Variants in SCN10A observed in about 807,000 individuals in gnomAD.
SCN10A encodes the protein sodium voltage-gated channel alpha subunit 10.
In SCN10A, 162 loss-of-function variants were observed where a neutral mutation model predicts 170.7. The ratio of observed to expected loss-of-function variants is 0.95; its 90% CI spans 0.84 to 1.08. The LOEUF is 1.08. SCN10A is among the 50% of genes least tolerant of loss of function. SCN10A has a pLI of 0.00. For synonymous variants in SCN10A, 985 were observed against 904.6 expected (o/e 1.09, Z -1.59); for missense variants, 2,527 against 2,436.9 (o/e 1.04, Z -0.78).
chr3:38,756,946 A>G, intron 9 of SCN10A, 72 bp downstream of exon 9: 3 of 1,606,994 alleles, frequency 1.9e-6, no homozygotes, highest in Non-Finnish European at 2.6e-6. Flanking sequence ...AGCCTCCTCC[A>G]GGAAAAGCAC....
chr3:38,811,739 C>T (rs985989761), intron 1 of SCN10A, among the ~76,000 whole-genome samples: 27 of 152,260 alleles, frequency 1.8e-4, no homozygotes, highest in African/African-American at 6.5e-4. Flanking sequence ...TAATAAGAGG[C>T]AGAGCTGGAC....
intron 9 of SCN10A, 60 bp downstream of exon 9, chr3:38,756,958 G>C: frequency 1.2e-6 from 2 of 1,605,334 alleles, no homozygotes; most frequent in Non-Finnish European, 1.7e-6. Context: ...GAAAAGCACA[G>C]CCATGCAGCT....
intron 1 of SCN10A, among the ~76,000 whole-genome samples, chr3:38,797,305 G>T (rs1302533742): frequency 6.6e-6 from 1 of 152,122 alleles, no homozygotes; most frequent in Non-Finnish European, 1.5e-5. Flanking sequence ...GGCTCTGCTG[G>T]TTGTCACCAG....
intron 26 of SCN10A, among the ~76,000 whole-genome samples, chr3:38,706,626 A>T (rs956289111): frequency 6.6e-6 from 1 of 152,198 alleles, no homozygotes; most frequent in Non-Finnish European, 1.5e-5. Flanking sequence ...CAGAAGACTG[A>T]GAAGAACTTA....
intron 5 of SCN10A, 149 bp downstream of exon 5, chr3:38,771,130 A>G: frequency 1.3e-6 from 1 of 764,008 alleles, no homozygotes. Context: ...TTCTCCTGGT[A>G]TATTCCTGCA....
At chr3:38,812,268 A>G (rs1165253121) in intron 1 of SCN10A, among the ~76,000 whole-genome samples, 1 of 152,232 alleles carries the variant, frequency 6.6e-6, no homozygotes, top group Non-Finnish European at 1.5e-5. Context: ...ACACAATCAT[A>G]GGAGCATATC....
chr3:38,751,180 T>C (rs563907502), intron 12 of SCN10A, among the ~76,000 whole-genome samples: 1 of 152,308 alleles, frequency 6.6e-6, no homozygotes, highest in Admixed American at 6.5e-5. Flanking sequence ...AGAGCTGTGA[T>C]CCTCTACTAA....
chr3:38,723,408 G>A, intron 19 of SCN10A, 22 bp downstream of exon 19: 1 of 1,613,956 alleles, frequency 6.2e-7, no homozygotes, highest in Non-Finnish European at 8.5e-7. Context: ...CAGTGTGAGG[G>A]GGCCTGTGGC....
At chr3:38,740,456 T>C (rs916022704) in intron 14 of SCN10A, among the ~76,000 whole-genome samples, 1 of 152,182 alleles carries the variant, frequency 6.6e-6, no homozygotes, top group African/African-American at 2.4e-5. Context: ...TGCATCCTTC[T>C]TATGGAGAAG....
chr3:38,748,436 C>A (rs1309917902), intron 13 of SCN10A, among the ~76,000 whole-genome samples: 1 of 152,172 alleles, frequency 6.6e-6, no homozygotes, highest in Admixed American at 6.5e-5. Context: ...TGCTTCAAGT[C>A]CTCACCATGG....
intron 21 of SCN10A, among the ~76,000 whole-genome samples, chr3:38,716,085 A>G (rs2063331221): frequency 6.6e-6 from 1 of 152,168 alleles, no homozygotes; most frequent in South Asian, 2.1e-4. Flanking sequence ...ATAATAGCAT[A>G]TTGTTTTCAG....
intron 27 of SCN10A, among the ~76,000 whole-genome samples, chr3:38,700,450 C>G (rs572496260): frequency 1.3e-5 from 2 of 152,106 alleles, no homozygotes; most frequent in South Asian, 2.1e-4. Flanking sequence ...TCCTAGCACC[C>G]AATAAATAAA....
At chr3:38,716,456 A>G (rs770669912) in intron 21 of SCN10A, among the ~76,000 whole-genome samples, 2 of 152,098 alleles carry the variant, frequency 1.3e-5, no homozygotes, top group South Asian at 2.1e-4. Context: ...TGCCATCCAC[A>G]TAAGACGTGA....
chr3:38,794,688 A>G (rs543368282), intron 1 of SCN10A, among the ~76,000 whole-genome samples: 1 of 152,286 alleles, frequency 6.6e-6, no homozygotes, highest in African/African-American at 2.4e-5. Context: ...GGCTAAGTCA[A>G]TCTAGAACAG....
In SCN10A at chr3:38,742,365, T is replaced by C. The variant is rs2063642099; in HGVS notation, c.2032A>G (p.Asn678Asp). 8 of 1,614,154 alleles carry C rather than the reference T, an allele frequency of 5.0e-6. No individual in the cohort carries two copies. Among genetic ancestry groups the C allele is most frequent in the Non-Finnish European group, 6.8e-6 (8 of 1,180,022 alleles). ...TGCTCCATGGCCATGAAGATGGTGT[T>C]CACCACGATGCACAAGGTGATGGTG... ...ELTITLCIVV[N>D]TIFMAMEHHG... The change falls in exon 14 of 28, where the codon AAC becomes GAC. Residue 678 changes from asparagine to aspartate, a missense_variant. Transcript: ENST00000449082.
Position 38,722,247 on chromosome 3 carries a change from C to A in SCN10A, c.3507+11G>T, listed in dbSNP as rs1018821495. On this transcript the variant is annotated intron_variant, in intron 20 of 27. Transcript: ENST00000449082. Reference sequence around the variant, plus strand: ...GGAGGATTTGGGGGCAGGGACTATGCCTCCCCTTACCAGAGATCCACTGCT... The same window carrying A: ...GGAGGATTTGGGGGCAGGGACTATGACTCCCCTTACCAGAGATCCACTGCT... The A allele has an allele frequency of 1.9e-6, 3 of 1,611,618 alleles. No homozygotes were observed. The highest frequency in any genetic ancestry group is 2.5e-6 in the Non-Finnish European group (3 of 1,178,606).
At position 38,777,619 on chromosome 3, in the gene SCN10A, T is replaced by G. The variant is rs1303608697; in HGVS notation, c.471-6212A>C. 2.0e-5 allele frequency among the ~76,000 whole-genome samples: 3 copies of G among 151,876 alleles called. 1 individual carries two copies. The South Asian group carries it at 6.2e-4, about 31-fold the overall frequency. The stretch of plus-strand genomic sequence containing the variant: ...TGACCCTTAAACTGATATGGAAAAG[T>G]AAAGAAACAAGAACCAAAATAATTT... On this transcript the variant is annotated intron_variant, in intron 4 of 27. Coordinates refer to ENST00000449082, the MANE Select transcript of SCN10A (RefSeq NM_006514.4).
At chr3:38,766,672 C>G (rs115757457) in intron 5 of SCN10A, among the ~76,000 whole-genome samples, 1,550 of 152,154 alleles carry the variant, frequency 0.01, 16 homozygotes, top group Non-Finnish European at 0.015. Context: ...CTATGTTCAT[C>G]AGGGATATTG....
At chr3:38,778,601 G>C (rs1485416246) in intron 4 of SCN10A, among the ~76,000 whole-genome samples, 2 of 152,008 alleles carry the variant, frequency 1.3e-5, no homozygotes, top group African/African-American at 2.4e-5. Flanking sequence ...AGGGAGGGAA[G>C]ATAAGGAAAA....
Sources: gnomAD v4.1 joint callset for allele counts (sites outside exome capture counted in the v4.1 genomes callset) on GRCh38, gnomAD v4.1.1 for gene constraint, MANE v1.5 for transcripts, NCBI Gene and HGNC (gene_info 2026-07-23, HGNC 2026-07-21) for gene names.